CPQ: variants seen among roughly 807,000 people sequenced by gnomAD.
CPQ encodes the protein Ser-Met dipeptidase.
In CPQ, 37 loss-of-function variants were observed where a neutral mutation model predicts 45.7. The observed-to-expected ratio is 0.81, with a 90% confidence interval of 0.62 to 1.07. The LOEUF (loss-of-function observed/expected upper bound fraction) is 1.07, where lower values mean the gene tolerates loss of function less well. CPQ is among the 50% of genes least tolerant of loss of function. CPQ has a pLI of 0.00. For missense variants in CPQ, 537 were observed against 572.9 expected (o/e 0.94, Z 0.64); for synonymous variants, 186 against 205.8 (o/e 0.90, Z 0.82).
chr8:96,810,155 C>T (rs1041612958), intron 2 of CPQ, among the ~76,000 whole-genome samples: 1 of 152,170 alleles, frequency 6.6e-6, no homozygotes, highest in Admixed American at 6.5e-5. Flanking sequence ...GGTTTCTCCC[C>T]ATCCCTTTCA....
At chr8:96,678,405 G>A (rs1455425122) in intron 1 of CPQ, among the ~76,000 whole-genome samples, 1 of 151,706 alleles carries the variant, frequency 6.6e-6, no homozygotes, top group East Asian at 1.9e-4. Context: ...TTGATATACT[G>A]ATTTCCTTTC....
At chr8:96,876,212 G>A (rs1812143231) in intron 3 of CPQ, among the ~76,000 whole-genome samples, 1 of 151,882 alleles carries the variant, frequency 6.6e-6, no homozygotes, top group Admixed American at 6.6e-5. Flanking sequence ...TTTTGTGTGT[G>A]TATGTGTGTT....
At chr8:97,006,312 C>T (rs1354931405) in intron 5 of CPQ, among the ~76,000 whole-genome samples, 6 of 151,966 alleles carry the variant, frequency 3.9e-5, no homozygotes, top group East Asian at 3.9e-4. Flanking sequence ...AGTCTCTTCC[C>T]GTGTCTATGT....
At chr8:96,762,890 G>A (rs904872016) in intron 1 of CPQ, among the ~76,000 whole-genome samples, 2 of 152,148 alleles carry the variant, frequency 1.3e-5, no homozygotes, top group Non-Finnish European at 2.9e-5. Context: ...GGTAAGAGGT[G>A]TGGTGTATTA....
intron 1 of CPQ, among the ~76,000 whole-genome samples, chr8:96,723,960 A>G (rs1240452350): frequency 6.6e-6 from 1 of 152,110 alleles, no homozygotes; most frequent in Non-Finnish European, 1.5e-5. Context: ...TTTTTAATAT[A>G]TAAGTACCCA....
chr8:96,824,841 C>T (rs1306288278), intron 2 of CPQ, among the ~76,000 whole-genome samples: 1 of 151,990 alleles, frequency 6.6e-6, no homozygotes, highest in African/African-American at 2.4e-5. Context: ...GGATAAATGG[C>T]CCAGGAGGCT....
chr8:96,939,019 C>T (rs754222247), intron 4 of CPQ, among the ~76,000 whole-genome samples: 20 of 152,030 alleles, frequency 1.3e-4, no homozygotes, highest in Non-Finnish European at 2.4e-4. Context: ...CTTAGTATTT[C>T]GTCATACAAG....
chr8:96,834,899 G>A, intron 2 of CPQ, 74 bp from the exon 3 acceptor site: 1 of 1,297,196 alleles, frequency 7.7e-7, no homozygotes, highest in Non-Finnish European at 1.1e-6. Context: ...GAGCATGTAT[G>A]TGACCTTTCC....
intron 7 of CPQ, among the ~76,000 whole-genome samples, chr8:97,087,050 G>A (rs1052036498): frequency 2.0e-5 from 3 of 152,104 alleles, no homozygotes; most frequent in Non-Finnish European, 2.9e-5. Context: ...TCAAGTGTCT[G>A]GCATTCCTTC....
chr8:97,098,441 C>G (rs951508267), intron 7 of CPQ, among the ~76,000 whole-genome samples: 1 of 152,198 alleles, frequency 6.6e-6, no homozygotes, highest in Non-Finnish European at 1.5e-5. Context: ...TACTCCCCTT[C>G]CAACTCTAGA....
intron 2 of CPQ, among the ~76,000 whole-genome samples, chr8:96,824,186 G>A (rs572929461): frequency 4.7e-4 from 72 of 151,954 alleles, no homozygotes; most frequent in Non-Finnish European, 8.5e-4. Flanking sequence ...ATCTCTTTCT[G>A]TTAGAAATAG....
At chr8:96,992,666 G>A (rs972784243) in intron 5 of CPQ, among the ~76,000 whole-genome samples, 1 of 152,074 alleles carries the variant, frequency 6.6e-6, no homozygotes, top group Non-Finnish European at 1.5e-5. Context: ...AAGTTAATGA[G>A]CAAAGAGTCT....
chr8:96,868,575 A>G (rs1812024090), intron 3 of CPQ, among the ~76,000 whole-genome samples: 1 of 152,058 alleles, frequency 6.6e-6, no homozygotes, highest in Non-Finnish European at 1.5e-5. Context: ...GCCTAGGAAA[A>G]TGTCAATAGA....
intron 1 of CPQ, among the ~76,000 whole-genome samples, chr8:96,741,638 T>G (rs1358968735): frequency 6.6e-6 from 1 of 152,224 alleles, no homozygotes; most frequent in Non-Finnish European, 1.5e-5. Context: ...CTCTACACAC[T>G]GCTTTGGATG....
intron 7 of CPQ, among the ~76,000 whole-genome samples, chr8:97,123,232 A>C (rs558138930): frequency 4.2e-5 from 6 of 144,488 alleles, no homozygotes; most frequent in African/African-American, 7.5e-5. Context: ...AAAATAAAAT[A>C]AAATAAATAA....
At chr8:96,669,067 G>A (rs1343970563) in intron 1 of CPQ, among the ~76,000 whole-genome samples, 1 of 152,212 alleles carries the variant, frequency 6.6e-6, no homozygotes, top group South Asian at 2.1e-4. Context: ...CTGTGATGAG[G>A]TATCTGAATA....
chr8:96,733,061 C>T (rs1809933149), intron 1 of CPQ, among the ~76,000 whole-genome samples: 1 of 152,090 alleles, frequency 6.6e-6, no homozygotes, highest in African/African-American at 2.4e-5. Flanking sequence ...CTGTAAACTC[C>T]AGCTAAACAA....
intron 3 of CPQ, among the ~76,000 whole-genome samples, chr8:96,873,947 G>A (rs1812112954): frequency 6.6e-6 from 1 of 151,756 alleles, no homozygotes; most frequent in East Asian, 1.9e-4. Flanking sequence ...GACATGAAGG[G>A]AGTTTGATTG....
intron 4 of CPQ, among the ~76,000 whole-genome samples, chr8:96,898,776 T>TAAAAA (rs11390361): frequency 2.2e-5 from 3 of 137,644 alleles, no homozygotes; most frequent in Non-Finnish European, 4.6e-5. Flanking sequence ...TAGGGTATAA[T>TAAAAA]AAAAAAAAAA....
Sources: allele counts gnomAD v4.1 joint callset (sites outside exome capture counted in the v4.1 genomes callset), GRCh38; gene constraint gnomAD v4.1.1; transcripts MANE v1.5; gene names NCBI Gene and HGNC (gene_info 2026-07-23, HGNC 2026-07-21).